The following TLL2 variants were observed in gnomAD, a reference collection of about 807,000 sequenced individuals.
The protein encoded by TLL2 is tolloid-like protein 2.
Under a neutral mutation model 123.0 loss-of-function variants are expected in TLL2, and 106 were observed. The observed-to-expected ratio is 0.86, with a 90% CI of 0.74 to 1.01. The LOEUF is 1.01. Among genes scored for constraint, TLL2 ranks in the 50% least tolerant of loss-of-function variants. TLL2 has a pLI of 0.00. For missense variants in TLL2, 1,332 were observed against 1,336.7 expected, an observed-to-expected ratio of 1.00 and a Z score of 0.06; for synonymous variants, 494 against 516.8, an observed-to-expected ratio of 0.96 and a Z score of 0.60.
chr10:96,476,421 C>T (rs1426497686), intron 2 of TLL2, among the ~76,000 whole-genome samples: 4 of 150,432 alleles, frequency 2.7e-5, no homozygotes, highest in South Asian at 4.2e-4. Context: ...CCACCATGCC[C>T]GGCTAATTTT....
intron 1 of TLL2, among the ~76,000 whole-genome samples, chr10:96,491,696 A>G (rs1217192037): frequency 6.6e-6 from 1 of 152,228 alleles, no homozygotes; most frequent in Admixed American, 6.5e-5. Flanking sequence ...CTTTCTAATG[A>G]TATCTAATCC....
intron 19 of TLL2, among the ~76,000 whole-genome samples, chr10:96,370,971 T>A (rs1846077227): frequency 1.3e-5 from 2 of 152,154 alleles, no homozygotes; most frequent in Admixed American, 6.5e-5. Context: ...TAACTCTGGT[T>A]GGCCCTGGTC....
At chr10:96,475,967 T>C (rs1042443218) in intron 2 of TLL2, among the ~76,000 whole-genome samples, 10 of 151,950 alleles carry the variant, frequency 6.6e-5, no homozygotes, top group African/African-American at 2.2e-4. Flanking sequence ...AAGATGTGAC[T>C]TGCTCCTCCT....
At chr10:96,507,371 C>A (rs921114641) in intron 1 of TLL2, among the ~76,000 whole-genome samples, 1 of 152,084 alleles carries the variant, frequency 6.6e-6, no homozygotes, top group Non-Finnish European at 1.5e-5. Flanking sequence ...AACTCACATG[C>A]CATAAAATTC....
Position 96,410,391 on chromosome 10 carries a change from C to T in TLL2, c.1132G>A (p.Val378Ile), listed in dbSNP as rs374588772. The change falls in exon 9 of 21, where the codon GTC becomes ATC. Residue 378 changes from valine (V) to isoleucine (I), a missense_variant. By Grantham distance (29) the Val-to-Ile change is conservative. Transcript: ENST00000357947. The stretch of plus-strand genomic sequence containing the variant: ...CCTGGGGTGACCGAGATCCTCCAGA[C>T]GCAGTGGGAGTAAGATGGGTACCCA... ...PNGYPSYSHCVWRISVTPGEK... is the reference protein window; with the variant it reads ...PNGYPSYSHCIWRISVTPGEK... The T allele has an allele frequency of 2.2e-5, 35 of 1,613,620 alleles. No individual in the cohort carries two copies. Among genetic ancestry groups the T allele is most frequent in the South Asian group, 3.3e-5 (3 of 91,056 alleles).
chr10:96,469,067 G>A (rs374920604), intron 2 of TLL2, among the ~76,000 whole-genome samples: 3 of 152,226 alleles, frequency 2.0e-5, no homozygotes, highest in Admixed American at 6.5e-5. Context: ...GCCAGGCTGC[G>A]CCTGGTTCCT....
intron 1 of TLL2, among the ~76,000 whole-genome samples, chr10:96,493,869 G>A (rs1847442111): frequency 6.6e-6 from 1 of 152,216 alleles, no homozygotes; most frequent in Non-Finnish European, 1.5e-5. Context: ...AGGCAGGAAG[G>A]CCACCAGCCC....
At chr10:96,428,849 G>T in intron 4 of TLL2, 101 bp from the exon 5 acceptor site, 1 of 756,090 alleles carries the variant, frequency 1.3e-6, no homozygotes, top group Non-Finnish European at 2.2e-6. Context: ...TTGTTGCCCA[G>T]GCTGGAGTGC....
intron 13 of TLL2, among the ~76,000 whole-genome samples, chr10:96,388,132 G>C (rs938966890): frequency 6.6e-6 from 1 of 152,198 alleles, no homozygotes; most frequent in African/African-American, 2.4e-5. Flanking sequence ...GGCCAGGCAC[G>C]GTGGCTCACG....
In TLL2 at chr10:96,455,707, C is replaced by T. The variant is rs144599090; in HGVS notation, c.287-9539G>A. Among the ~76,000 whole-genome samples, 674 of 152,320 alleles carry T rather than the reference C, an allele frequency of 4.4e-3. 4 individuals are homozygous for T. Among genetic ancestry groups the T allele is most frequent in the African/African-American group, 0.015 (629 of 41,580 alleles). Reference sequence around the variant, plus strand: ...ACGGGGAGGCATGAATAATCCACCCCTTGTTTAGCATATTATCAAGAAATA... The same window carrying T: ...ACGGGGAGGCATGAATAATCCACCCTTTGTTTAGCATATTATCAAGAAATA... On this transcript the variant is annotated intron_variant, in intron 2 of 20. Transcript: ENST00000357947.
At chr10:96,443,745 A>T (rs1488139845) in intron 3 of TLL2, among the ~76,000 whole-genome samples, 11 of 152,258 alleles carry the variant, frequency 7.2e-5, no homozygotes. Flanking sequence ...CATTTTTACC[A>T]CTAAGTGCTG....
intron 2 of TLL2, among the ~76,000 whole-genome samples, chr10:96,462,970 C>T (rs757665120): frequency 1.3e-5 from 2 of 152,218 alleles, no homozygotes; most frequent in Non-Finnish European, 2.9e-5. Flanking sequence ...GATCATCCGG[C>T]CTCAGCTGGG....
At chr10:96,405,870 T>G (rs767899839) in intron 9 of TLL2, among the ~76,000 whole-genome samples, 18 of 152,222 alleles carry the variant, frequency 1.2e-4, no homozygotes, top group Non-Finnish European at 1.9e-4. Context: ...CATTGTTTGT[T>G]GACCACCTTC....
intron 1 of TLL2, among the ~76,000 whole-genome samples, chr10:96,491,910 C>G (rs1246676187): frequency 6.6e-6 from 1 of 152,176 alleles, no homozygotes; most frequent in African/African-American, 2.4e-5. Flanking sequence ...CAGTAAGTAC[C>G]TGTAAAGTAC....
intron 11 of TLL2, among the ~76,000 whole-genome samples, chr10:96,396,620 T>TG (rs1463913298): frequency 1.0e-5 from 1 of 99,140 alleles, no homozygotes; most frequent in Non-Finnish European, 1.9e-5. Context: ...TACGGTGGGG[T>TG]GGGGAATGAG....
chr10:96,387,913 G>A lies in TLL2; in HGVS notation c.1727-835C>T, dbSNP rs185311846. Among the ~76,000 whole-genome samples the A allele has an allele frequency of 2.6e-5, 4 of 152,314 alleles. No homozygotes were observed. In the East Asian group the frequency reaches 7.7e-4, roughly 29 times the overall value. On this transcript the variant is annotated intron_variant, in intron 13 of 20. Transcript: ENST00000357947. ...GGAAAAATATGATTATCTGTTGCCA[G>A]CCATAGTACATCTAGCCCTGAAAGA...
intron 1 of TLL2, among the ~76,000 whole-genome samples, chr10:96,497,883 G>A (rs1233466410): frequency 6.6e-6 from 1 of 152,248 alleles, no homozygotes; most frequent in African/African-American, 2.4e-5. Flanking sequence ...GCTGGTAATA[G>A]GGATGACTAC....
chr10:96,445,625 A>G (rs1228141529), intron 3 of TLL2, among the ~76,000 whole-genome samples: 1 of 152,106 alleles, frequency 6.6e-6, no homozygotes, highest in Non-Finnish European at 1.5e-5. Flanking sequence ...AAGCCACATT[A>G]TTTGCCCCTC....
At chr10:96,491,379 T>C (rs531817451) in intron 1 of TLL2, among the ~76,000 whole-genome samples, 49 of 30,206 alleles carry the variant, frequency 1.6e-3, no homozygotes, top group African/African-American at 4.5e-3. Context: ...CAAAACTCTG[T>C]CTCAAAAAAA....
Sources: gnomAD v4.1 joint callset for allele counts (sites outside exome capture counted in the v4.1 genomes callset) on GRCh38, gnomAD v4.1.1 for gene constraint, MANE v1.5 for transcripts, NCBI Gene and HGNC (gene_info 2026-07-23, HGNC 2026-07-21) for gene names.